Variants in NRXN3 observed in about 807,000 individuals in gnomAD.
NRXN3 encodes neurexin 3.
Under a neutral mutation model 137.6 loss-of-function variants are expected in NRXN3, and 32 were observed. The observed-to-expected ratio is 0.23, with a 90% CI of 0.18 to 0.31. NRXN3 has a LOEUF of 0.31. Among genes scored for constraint, NRXN3 ranks in the 10% least tolerant of loss-of-function variants. The pLI, the probability that NRXN3 is intolerant of heterozygous loss-of-function variation, is 1.00. For missense variants in NRXN3, 1,574 were observed against 2,062.5 expected, an observed-to-expected ratio of 0.76 and a Z score of 4.59; for synonymous variants, 798 against 784.5, an observed-to-expected ratio of 1.02 and a Z score of -0.29.
intron 4 of NRXN3, among the ~76,000 whole-genome samples, chr14:78,361,511 G>A (rs1278454172): frequency 6.6e-6 from 1 of 152,204 alleles, no homozygotes; most frequent in Non-Finnish European, 1.5e-5. Context: ...CATCTCTCCT[G>A]TAGTTAATTT....
At chr14:79,374,725 T>G (rs1457945166) in intron 15 of NRXN3, among the ~76,000 whole-genome samples, 1 of 152,130 alleles carries the variant, frequency 6.6e-6, no homozygotes, top group Non-Finnish European at 1.5e-5. Flanking sequence ...CTTCAAGATG[T>G]CCCACCTTTT....
intron 15 of NRXN3, among the ~76,000 whole-genome samples, chr14:79,164,603 A>G (rs1596671231): frequency 6.6e-6 from 1 of 152,040 alleles, no homozygotes; most frequent in Non-Finnish European, 1.5e-5. Flanking sequence ...TTAATTTGGG[A>G]AAAGGGACTA....
intron 4 of NRXN3, among the ~76,000 whole-genome samples, chr14:78,499,852 C>A (rs2095851517): frequency 6.6e-6 from 1 of 152,084 alleles, no homozygotes; most frequent in Non-Finnish European, 1.5e-5. Flanking sequence ...GCAGCTTCAC[C>A]AAAGTCATGA....
chr14:79,356,505 C>T (rs987875815), intron 15 of NRXN3, among the ~76,000 whole-genome samples: 2 of 152,156 alleles, frequency 1.3e-5, no homozygotes, highest in Non-Finnish European at 2.9e-5. Flanking sequence ...GTTTATGTTT[C>T]AAATTCATCC....
chr14:78,687,860 T>C (rs2098137222), intron 6 of NRXN3, among the ~76,000 whole-genome samples: 1 of 152,198 alleles, frequency 6.6e-6, no homozygotes, highest in Admixed American at 6.5e-5. Flanking sequence ...GGCCGATAAA[T>C]ACAATCCTGT....
At chr14:79,599,839 A>G (rs1024118332) in intron 16 of NRXN3, among the ~76,000 whole-genome samples, 8 of 152,150 alleles carry the variant, frequency 5.3e-5, no homozygotes, top group Non-Finnish European at 7.4e-5. Context: ...TACCAAAAAT[A>G]CAAAAATTAG....
chr14:79,135,861 A>C (rs956451629), intron 15 of NRXN3, among the ~76,000 whole-genome samples: 2 of 152,238 alleles, frequency 1.3e-5, no homozygotes, highest in African/African-American at 4.8e-5. Context: ...CTAAGATCAC[A>C]CAGCTCATTG....
chr14:78,571,391 GA>G (rs2152315191), intron 4 of NRXN3, among the ~76,000 whole-genome samples: 1 of 152,252 alleles, frequency 6.6e-6, no homozygotes, highest in South Asian at 2.1e-4. Flanking sequence ...ACTCAGAAGA[GA>G]AAAATGAATT....
At chr14:79,802,131 T>G (rs929803372) in intron 19 of NRXN3, among the ~76,000 whole-genome samples, 1 of 152,208 alleles carries the variant, frequency 6.6e-6, no homozygotes, top group African/African-American at 2.4e-5. Flanking sequence ...TAATATTATG[T>G]TAATGTATGT....
At chr14:78,509,933 G>T (rs1025498038) in intron 4 of NRXN3, among the ~76,000 whole-genome samples, 6 of 151,930 alleles carry the variant, frequency 3.9e-5, no homozygotes, top group African/African-American at 1.2e-4. Flanking sequence ...GAAAGTAAAG[G>T]TTCTGAGACT....
At chr14:79,087,525 A>G (rs550148888) in intron 15 of NRXN3, among the ~76,000 whole-genome samples, 1 of 152,280 alleles carries the variant, frequency 6.6e-6, no homozygotes, top group South Asian at 2.1e-4. Flanking sequence ...GAAACACAGA[A>G]CCAACAGTGC....
chr14:78,332,153 T>A (rs140923599), intron 4 of NRXN3, among the ~76,000 whole-genome samples: 698 of 152,248 alleles, frequency 4.6e-3, no homozygotes, highest in African/African-American at 0.016. Flanking sequence ...GTTTTCAAAG[T>A]AAATTAATTG....
At chr14:78,603,505 C>T (rs1034843768) in intron 4 of NRXN3, among the ~76,000 whole-genome samples, 2 of 152,082 alleles carry the variant, frequency 1.3e-5, no homozygotes, top group African/African-American at 2.4e-5. Context: ...GAGGACTTAT[C>T]GGTGGGTGGT....
Position 79,475,012 on chromosome 14 carries a change from G to A in NRXN3, c.3444+7610G>A, listed in dbSNP as rs995576519. ...TGGGTACCAGATAAAGTCACAAAGA[G>A]CTTGGTCGTATACTCGGGGATAGAG... On this transcript the variant is annotated intron_variant, in intron 16 of 20. Transcript: ENST00000335750. Among the ~76,000 whole-genome samples the A allele has an allele frequency of 3.3e-5, 5 of 152,036 alleles. No individual in the cohort carries two copies. The East Asian group carries it at 9.7e-4, about 30-fold the overall frequency.
intron 2 of NRXN3, among the ~76,000 whole-genome samples, chr14:78,273,891 A>G (rs909274269): frequency 1.3e-5 from 2 of 152,088 alleles, no homozygotes; most frequent in Admixed American, 6.6e-5. Flanking sequence ...TCTGTATTCT[A>G]TTTTCTCTCC....
chr14:78,961,121 A>G (rs2099407370), intron 11 of NRXN3, among the ~76,000 whole-genome samples: 1 of 151,524 alleles, frequency 6.6e-6, no homozygotes, highest in Admixed American at 6.6e-5. Flanking sequence ...AGGATTTGGG[A>G]CCAGTAGAGC....
intron 16 of NRXN3, among the ~76,000 whole-genome samples, chr14:79,614,418 A>G (rs2098134677): frequency 6.6e-6 from 1 of 151,984 alleles, no homozygotes; most frequent in Non-Finnish European, 1.5e-5. Flanking sequence ...ATGGAAACTC[A>G]TTTTCAGTAT....
At chr14:78,730,500 GC>G (rs2098510053) in intron 8 of NRXN3, among the ~76,000 whole-genome samples, 1 of 152,006 alleles carries the variant, frequency 6.6e-6, no homozygotes, top group Non-Finnish European at 1.5e-5. Flanking sequence ...TGTTTAAAGG[GC>G]TTTTCCCTCC....
At chr14:79,604,728 A>T (rs2097979518) in intron 16 of NRXN3, among the ~76,000 whole-genome samples, 1 of 152,096 alleles carries the variant, frequency 6.6e-6, no homozygotes, top group East Asian at 1.9e-4. Flanking sequence ...TCTTCATTTT[A>T]TTCTTTAAAA....
Sources: gnomAD v4.1 joint callset for allele counts (sites outside exome capture counted in the v4.1 genomes callset) on GRCh38, gnomAD v4.1.1 for gene constraint, MANE v1.5 for transcripts, NCBI Gene and HGNC (gene_info 2026-07-23, HGNC 2026-07-21) for gene names.